ROBO2: variants seen among roughly 807,000 people sequenced by gnomAD.
ROBO2 encodes roundabout guidance receptor 2, also known as roundabout homolog 2.
In ROBO2, 53 loss-of-function variants were observed where a neutral mutation model predicts 160.8. That is an observed-to-expected ratio of 0.33 (90% CI 0.26 to 0.41). The LOEUF (loss-of-function observed/expected upper bound fraction) is 0.41. Ranked by LOEUF, ROBO2 falls within the 10% of genes least tolerant of loss-of-function variation. The probability of loss-of-function intolerance (pLI) is 1.00; values close to 1 mark genes in which losing one functional copy is unlikely to be tolerated. For missense variants in ROBO2, 1,577 were observed against 1,722.4 expected (o/e 0.92, Z 1.49); for synonymous variants, 664 against 611.7 (o/e 1.09, Z -1.26).
intron 2 of ROBO2, among the ~76,000 whole-genome samples, chr3:76,418,015 A>T (rs1410443941): frequency 6.6e-6 from 1 of 152,032 alleles, no homozygotes; most frequent in African/African-American, 2.4e-5. Flanking sequence ...TCTCCTGAGG[A>T]GATAAAGCCA....
intron 2 of ROBO2, among the ~76,000 whole-genome samples, chr3:75,987,231 T>C (rs1197132614): frequency 1.3e-5 from 2 of 151,986 alleles, no homozygotes; most frequent in Non-Finnish European, 2.9e-5. Flanking sequence ...ATGTCTTCCA[T>C]AGTTTTCATT....
chr3:76,555,389 A>AGAG (rs1560140989), intron 2 of ROBO2, among the ~76,000 whole-genome samples: 1 of 71,330 alleles, frequency 1.4e-5, no homozygotes, highest in Non-Finnish European at 4.1e-5. Flanking sequence ...AAGAAGAAGA[A>AGAG]GAAGAAGAAG....
chr3:76,565,540 T>A (rs2084463803), intron 2 of ROBO2, among the ~76,000 whole-genome samples: 1 of 152,210 alleles, frequency 6.6e-6, no homozygotes, highest in Admixed American at 6.5e-5. Context: ...TGTTTCCATT[T>A]TTCTTCCTTC....
chr3:77,335,141 T>C (rs2066360332), intron 2 of ROBO2, among the ~76,000 whole-genome samples: 1 of 152,140 alleles, frequency 6.6e-6, no homozygotes, highest in Non-Finnish European at 1.5e-5. Flanking sequence ...AAGGTTAAGT[T>C]TGGGCATGGT....
intron 2 of ROBO2, among the ~76,000 whole-genome samples, chr3:77,100,148 A>C (rs2071704882): frequency 6.6e-6 from 1 of 152,098 alleles, no homozygotes; most frequent in Non-Finnish European, 1.5e-5. Flanking sequence ...TGGTGGGAAT[A>C]TTTTAAACCA....
chr3:77,053,955 G>A (rs2065465831), intron 1 of ROBO2, among the ~76,000 whole-genome samples: 1 of 152,144 alleles, frequency 6.6e-6, no homozygotes, highest in South Asian at 2.1e-4. Context: ...TGCCCATTTA[G>A]GGAGTATTGC....
chr3:77,369,868 G>A (rs1272013196), intron 2 of ROBO2, among the ~76,000 whole-genome samples: 2 of 152,148 alleles, frequency 1.3e-5, no homozygotes, highest in Admixed American at 6.6e-5. Flanking sequence ...TATAGTTAAT[G>A]TATTGGGCTT....
intron 2 of ROBO2, among the ~76,000 whole-genome samples, chr3:76,380,595 G>C (rs1231043235): frequency 6.6e-6 from 1 of 151,804 alleles, no homozygotes; most frequent in Non-Finnish European, 1.5e-5. Context: ...TTTCTTTATT[G>C]TACAAATACA....
chr3:76,156,671 T>C lies in ROBO2; in HGVS notation c.109+219069T>C, dbSNP rs181516778. Among the ~76,000 whole-genome samples, 6 of 152,272 alleles carry C rather than the reference T, an allele frequency of 3.9e-5. No homozygotes were observed. In the East Asian group the frequency reaches 1.2e-3, roughly 29 times the overall value. On this transcript the variant is annotated intron_variant, in intron 2 of 26. Transcript: ENST00000487694. ...CCCCACAATTATAGAATTAACGAAC[T>C]TTAGAAGAAACAGTTGCTGGGCGCA...
At chr3:75,941,757 ATAT>A in intron 2 of ROBO2, among the ~76,000 whole-genome samples, 1 of 152,324 alleles carries the variant, frequency 6.6e-6, no homozygotes. Context: ...CCATGAAATA[ATAT>A]TTAAGTTAAG....
intron 2 of ROBO2, among the ~76,000 whole-genome samples, chr3:76,490,253 C>T (rs973372917): frequency 8.5e-5 from 13 of 152,142 alleles, no homozygotes; most frequent in African/African-American, 2.9e-4. Flanking sequence ...TGCCTGTCCT[C>T]GCTGTCACAA....
At chr3:77,190,050 A>C (rs1386850228) in intron 2 of ROBO2, among the ~76,000 whole-genome samples, 1 of 151,976 alleles carries the variant, frequency 6.6e-6, no homozygotes, top group Non-Finnish European at 1.5e-5. Context: ...CTCCATGAAA[A>C]AGAGGAAGTA....
chr3:76,119,643 A>C (rs1423909226), intron 2 of ROBO2, among the ~76,000 whole-genome samples: 1 of 152,000 alleles, frequency 6.6e-6, no homozygotes, highest in Non-Finnish European at 1.5e-5. Flanking sequence ...AATAAAAATA[A>C]ATAAATAAAA....
intron 2 of ROBO2, among the ~76,000 whole-genome samples, chr3:76,505,767 A>G (rs2080761011): frequency 6.6e-6 from 1 of 152,176 alleles, no homozygotes; most frequent in Non-Finnish European, 1.5e-5. Flanking sequence ...GACTCCAGGA[A>G]CAAGAGAGAA....
chr3:76,790,181 T>C (rs977669580), intron 2 of ROBO2, among the ~76,000 whole-genome samples: 29 of 151,720 alleles, frequency 1.9e-4, no homozygotes, highest in African/African-American at 6.3e-4. Context: ...TCAATCAAAA[T>C]TGAATGTGGC....
intron 2 of ROBO2, among the ~76,000 whole-genome samples, chr3:76,284,422 A>G (rs546395107): frequency 1.3e-5 from 2 of 151,990 alleles, no homozygotes; most frequent in Non-Finnish European, 2.9e-5. Flanking sequence ...AAAATCTGAG[A>G]TAAACTTAAT....
intron 2 of ROBO2, among the ~76,000 whole-genome samples, chr3:76,588,855 C>A (rs1447787): frequency 0.25 from 37,958 of 152,170 alleles, 5,900 homozygotes; most frequent in South Asian, 0.37. Context: ...AATATAAAAG[C>A]TAATTGTTGT....
intron 2 of ROBO2, among the ~76,000 whole-genome samples, chr3:76,289,457 G>T (rs1181621687): frequency 6.6e-6 from 1 of 152,050 alleles, no homozygotes; most frequent in Non-Finnish European, 1.5e-5. Flanking sequence ...TTATTCTGCT[G>T]ATAGCTTTGT....
intron 2 of ROBO2, among the ~76,000 whole-genome samples, chr3:76,876,411 A>G (rs930607738): frequency 7.9e-5 from 12 of 152,328 alleles, no homozygotes; most frequent in South Asian, 2.1e-4. Flanking sequence ...ATGGTGGCTC[A>G]TGCCTGTAAT....
Sources: allele counts gnomAD v4.1 joint callset (sites outside exome capture counted in the v4.1 genomes callset), GRCh38; gene constraint gnomAD v4.1.1; transcripts MANE v1.5; gene names NCBI Gene and HGNC (gene_info 2026-07-23, HGNC 2026-07-21).